DNAH10: variants seen among roughly 807,000 people sequenced by gnomAD.
The protein encoded by DNAH10 is axonemal beta dynein heavy chain 10.
A neutral mutation model predicts 506.6 loss-of-function variants in DNAH10; 348 were observed. That is an observed-to-expected ratio of 0.69 (90% CI 0.63 to 0.75). The LOEUF (loss-of-function observed/expected upper bound fraction) is 0.75, where lower values mean the gene tolerates loss of function less well. Ranked by LOEUF, DNAH10 falls within the 30% of genes least tolerant of loss-of-function variation. The pLI is 0.00. For synonymous variants in DNAH10, 2,059 were observed against 2,198.6 expected (o/e 0.94, Z 1.78); for missense variants, 5,179 against 5,787.1 (o/e 0.89, Z 3.41).
At chr12:123,825,951 T>C (rs116703046) in intron 24 of DNAH10, among the ~76,000 whole-genome samples, 2,112 of 152,092 alleles carry the variant, frequency 0.014, 42 homozygotes, top group African/African-American at 0.047. Flanking sequence ...CAAGACCCCC[T>C]GTCTCTGCAA....
At position 123,935,405 on chromosome 12, in the gene DNAH10, A is replaced by G. The variant is rs745328013; in HGVS notation, c.13694A>G (p.Glu4565Gly). The G allele has an allele frequency of 1.1e-5, 18 of 1,611,642 alleles. No homozygotes were observed. The highest frequency in any genetic ancestry group is 3.4e-6 in the Non-Finnish European group (4 of 1,178,016). Residue 4565 changes from glutamate to glycine, a missense_variant, in exon 79 of 79, where the codon GAA becomes GGA. By Grantham distance (98) the Glu-to-Gly change is moderately conservative. This residue lies in a region of DNAH10 where 4,844 missense variants were observed against 5,430.5 expected (regional missense o/e 0.89). Transcript: ENST00000673944. ...GCCATGGGAGTCGGCTTGGTTTTTG[A>G]AGCTGATCTCTTTACCACGAGGCAC... is the stretch of plus-strand genomic sequence containing the variant. The part of the protein sequence containing the change: ...RNAMGVGLVF[E>G]ADLFTTRHIS...
intron 15 of DNAH10, among the ~76,000 whole-genome samples, chr12:123,800,768 C>T (rs1006411768): frequency 6.6e-6 from 1 of 152,026 alleles, no homozygotes; most frequent in Non-Finnish European, 1.5e-5. Context: ...CCTGTAATCC[C>T]AGTACTTTGG....
At chr12:123,908,673 GA>G (rs1953922956) in intron 57 of DNAH10, 1 of 415,484 alleles carries the variant, frequency 2.4e-6, no homozygotes, top group Non-Finnish European at 4.9e-6. Context: ...CTGCGTTCTG[GA>G]GGAGCAGAGT....
chr12:123,841,867 G>A (rs1352800560), intron 30 of DNAH10, among the ~76,000 whole-genome samples: 2 of 152,114 alleles, frequency 1.3e-5, no homozygotes, highest in Admixed American at 6.5e-5. Flanking sequence ...GTACTTTTTT[G>A]TAGAGAGGGA....
chr12:123,767,997 GCCT>G (rs1411427281), intron 2 of DNAH10, among the ~76,000 whole-genome samples: 1 of 152,100 alleles, frequency 6.6e-6, no homozygotes, highest in Non-Finnish European at 1.5e-5. Flanking sequence ...ATCCTTCCTA[GCCT>G]CCTCACTGCA....
chr12:123,803,960 A>T, intron 17 of DNAH10, 135 bp downstream of exon 17: 1 of 802,664 alleles, frequency 1.2e-6, no homozygotes, highest in East Asian at 3.3e-5. Flanking sequence ...AACCATTTCT[A>T]ATGCTCTCAG....
Position 123,781,214 on chromosome 12 carries a change from C to T in DNAH10, c.756C>T (p.His252=), listed in dbSNP as rs1957635689. The T allele has an allele frequency of 1.2e-6, 2 of 1,613,996 alleles. No homozygotes were observed. The highest frequency in any genetic ancestry group is 1.6e-4 in the Middle Eastern group (1 of 6,084). The change falls in exon 6 of 79, where the codon CAC becomes CAT. Residue 252 remains histidine (H), a synonymous_variant. Coordinates refer to ENST00000673944, the MANE Select transcript of DNAH10 (RefSeq NM_001372106.1). ...PPMPGEAVEY[H]SIQLIRDEFL... Reference sequence around the variant, plus strand: ...TGCCTGGGGAGGCAGTAGAATATCACAGTATTCAATTAATACGGGATGAAT... The same window carrying T: ...TGCCTGGGGAGGCAGTAGAATATCATAGTATTCAATTAATACGGGATGAAT...
At chr12:123,875,196 C>A (rs1313802057) in intron 46 of DNAH10, 35 bp from the exon 47 acceptor site, 1 of 1,577,596 alleles carries the variant, frequency 6.3e-7, no homozygotes, top group East Asian at 2.3e-5. Context: ...CTTTGCGATA[C>A]TACTGTTCTC....
chr12:123,924,955 G>T, intron 67 of DNAH10, 95 bp from the exon 68 acceptor site: 1 of 1,517,116 alleles, frequency 6.6e-7, no homozygotes, highest in South Asian at 1.3e-5. Context: ...ATGGATTCTC[G>T]TCCCTTTCCA....
intron 76 of DNAH10, chr12:123,932,672 T>C (rs1955274177): frequency 6.5e-6 from 1 of 153,148 alleles, no homozygotes; most frequent in South Asian, 2.1e-4. Context: ...AGAGTGCTTC[T>C]TTCCTCACTC....
At chr12:123,904,868 G>T (rs561526495) in intron 57 of DNAH10, among the ~76,000 whole-genome samples, 2 of 152,266 alleles carry the variant, frequency 1.3e-5, no homozygotes, top group South Asian at 4.2e-4. Context: ...GCATCCAAAA[G>T]GTATGCTGGG....
chr12:123,834,363 A>G (rs765948460), intron 27 of DNAH10, among the ~76,000 whole-genome samples: 6 of 152,070 alleles, frequency 3.9e-5, no homozygotes, highest in Non-Finnish European at 5.9e-5. Context: ...ATGTGCCACT[A>G]TGCCTGGCTA....
intron 53 of DNAH10, among the ~76,000 whole-genome samples, chr12:123,893,753 C>T (rs1215456607): frequency 1.3e-5 from 2 of 152,222 alleles, no homozygotes; most frequent in African/African-American, 4.8e-5. Flanking sequence ...AGCAGAGGTT[C>T]CTAATGGGCG....
chr12:123,913,346 G>A lies in DNAH10; in HGVS notation c.10352+31G>A, dbSNP rs754556531. Reference sequence around the variant, plus strand: ...CGCTGCTCACGAGCCCACCTGTTGCGGTTTGTAAACGGACGTCACCCACAG... The same window carrying A: ...CGCTGCTCACGAGCCCACCTGTTGCAGTTTGTAAACGGACGTCACCCACAG... On this transcript the variant is annotated intron_variant, in intron 60 of 78. Coordinates refer to ENST00000673944, the MANE Select transcript of DNAH10 (RefSeq NM_001372106.1). The surrounding 1 kb of genome is among the most constrained non-coding windows in gnomAD (Gnocchi z 5.1). 7.8e-6 allele frequency: 12 copies of A among 1,539,306 alleles called. No homozygotes were observed. The highest frequency in any genetic ancestry group is 2.0e-5 in the Admixed American group (1 of 49,122).
At chr12:123,816,140 T>C (rs1174414980) in intron 21 of DNAH10, among the ~76,000 whole-genome samples, 6 of 152,198 alleles carry the variant, frequency 3.9e-5, no homozygotes, top group Non-Finnish European at 7.3e-5. Flanking sequence ...ACAATATTGT[T>C]CTTTGTCCCT....
At chr12:123,837,198 G>A (rs1338829041) in intron 28 of DNAH10, among the ~76,000 whole-genome samples, 1 of 145,626 alleles carries the variant, frequency 6.9e-6, no homozygotes, top group Non-Finnish European at 1.5e-5. Context: ...AAAAAAATTA[G>A]CCAGGCATGG....
chr12:123,898,955 G>A (rs1953390708), intron 56 of DNAH10, 141 bp downstream of exon 56: 2 of 1,279,254 alleles, frequency 1.6e-6, no homozygotes, highest in South Asian at 1.7e-5. Flanking sequence ...TGTAGGCACT[G>A]AGCGTGCCAT....
chr12:123,919,614 C>T lies in DNAH10; in HGVS notation c.11506+665C>T, dbSNP rs571381385. ...AAATCCCATACCCATTAGCAGTCAC[C>T]CCCTGGCCCCCCACTCCTAGTCCCT... is the stretch of plus-strand genomic sequence containing the variant. On this transcript the variant is annotated intron_variant, in intron 65 of 78. Coordinates refer to ENST00000673944, the MANE Select transcript of DNAH10 (RefSeq NM_001372106.1). This position sits in a 1 kb window ranked among gnomAD's most constrained non-coding sequence, Gnocchi z 4.9. Among the ~76,000 whole-genome samples the T allele has an allele frequency of 6.6e-6, 1 of 152,170 alleles. No homozygotes were observed. The highest frequency in any genetic ancestry group is 1.5e-5 in the Non-Finnish European group (1 of 68,040).
At chr12:123,804,805 C>T (rs1196205792) in intron 17 of DNAH10, 28 bp from the exon 18 acceptor site, 4 of 1,592,484 alleles carry the variant, frequency 2.5e-6, no homozygotes, top group Non-Finnish European at 3.4e-6. Flanking sequence ...TGTTCGTGGA[C>T]AGCTCTAACA....
Sources: gnomAD v4.1 joint callset for allele counts (sites outside exome capture counted in the v4.1 genomes callset) on GRCh38, gnomAD v4.1.1 for gene constraint, gnomAD v4.1.1 regional missense constraint, Gnocchi (gnomAD v3.1) non-coding constraint, MANE v1.5 for transcripts, NCBI Gene and HGNC (gene_info 2026-07-23, HGNC 2026-07-21) for gene names.